Variants in SPEF2 observed in about 807,000 individuals in gnomAD.
SPEF2 encodes the protein sperm flagella and cilia-associated protein 2.
In SPEF2, 187 loss-of-function variants were observed where a neutral mutation model predicts 224.6. The ratio of observed to expected loss-of-function variants is 0.83; its 90% CI spans 0.74 to 0.94. SPEF2 has a LOEUF of 0.94. Among genes scored for constraint, SPEF2 ranks in the 40% least tolerant of loss-of-function variants. The probability of loss-of-function intolerance (pLI) is 0.00; values close to 1 mark genes in which losing one functional copy is unlikely to be tolerated. For synonymous variants in SPEF2, 715 were observed against 707.3 expected (o/e 1.01, Z -0.17); for missense variants, 2,170 against 2,135.6 (o/e 1.02, Z -0.32).
At chr5:35,799,391 A>G (rs774782972) in intron 33 of SPEF2, among the ~76,000 whole-genome samples, 1 of 152,228 alleles carries the variant, frequency 6.6e-6, no homozygotes, top group Non-Finnish European at 1.5e-5. Flanking sequence ...TCAGGCATTC[A>G]GAGTGAGAAA....
At chr5:35,662,188 CT>C (rs200899645) in intron 8 of SPEF2, among the ~76,000 whole-genome samples, 1 of 151,900 alleles carries the variant, frequency 6.6e-6, no homozygotes, top group African/African-American at 2.4e-5. Flanking sequence ...TGATGTTAAG[CT>C]TTTTTTTCAC....
chr5:35,709,578 G>A (rs1409617102), intron 19 of SPEF2: 1 of 986,338 alleles, frequency 1.0e-6, no homozygotes, highest in Admixed American at 6.1e-5. Context: ...ATATGTAATT[G>A]TAAATCTTCA....
chr5:35,787,964 A>C (rs998652186), intron 30 of SPEF2: 1 of 633,028 alleles, frequency 1.6e-6, no homozygotes, highest in African/African-American at 1.8e-5. Flanking sequence ...TCAATTTTTG[A>C]AAATTTGGCT....
chr5:35,663,037 T>A (rs1459210998), intron 8 of SPEF2, among the ~76,000 whole-genome samples: 2 of 152,202 alleles, frequency 1.3e-5, no homozygotes, highest in African/African-American at 4.8e-5. Flanking sequence ...ATTTATTTGC[T>A]ATTCCATGGC....
At chr5:35,779,495 T>C (rs1162148678) in intron 30 of SPEF2, 149 bp downstream of exon 30, 2 of 636,240 alleles carry the variant, frequency 3.1e-6, no homozygotes, top group Non-Finnish European at 5.3e-6. Flanking sequence ...TAAATATTTG[T>C]TTCATACAAC....
At chr5:35,734,700 CTTTTTTTTCTTT>C (rs1474376666) in intron 21 of SPEF2, among the ~76,000 whole-genome samples, 15 of 29,378 alleles carry the variant, frequency 5.1e-4, no homozygotes, top group African/African-American at 9.5e-4. Context: ...GAATTGCTTT[CTTTTTTTTCTTT>C]TTTTTTTTTT....
In SPEF2 at chr5:35,814,414, G is replaced by A. The variant is rs1227631185; in HGVS notation, c.5380-50G>A. On this transcript the variant is annotated intron_variant, in intron 36 of 36. Transcript: ENST00000356031. ...ATTAGTATTTGTATAGTATAGTATT[G>A]ATCATCCTTTATTAGTATTTGTAAC... 3 of 1,085,052 alleles carry A rather than the reference G, an allele frequency of 2.8e-6. No individual in the cohort carries two copies. In the East Asian group the frequency reaches 7.2e-5, roughly 26 times the overall value. 67.2% of individuals were successfully genotyped at this position (1,085,052 alleles called of 1,614,324 possible).
At chr5:35,658,174 G>C (rs975296214) in intron 7 of SPEF2, among the ~76,000 whole-genome samples, 1 of 152,136 alleles carries the variant, frequency 6.6e-6, no homozygotes, top group Non-Finnish European at 1.5e-5. Context: ...AAATAGGCCC[G>C]AGAAACTGAG....
chr5:35,660,851 A>G (rs1395063156), intron 8 of SPEF2, among the ~76,000 whole-genome samples: 3 of 152,168 alleles, frequency 2.0e-5, no homozygotes, highest in African/African-American at 7.2e-5. Flanking sequence ...CTGGGGTTGA[A>G]CTAACTTCAG....
intron 20 of SPEF2, among the ~76,000 whole-genome samples, chr5:35,725,388 CAACAGAAAGGTAAA>C (rs1561265898): frequency 6.6e-6 from 1 of 152,072 alleles, no homozygotes; most frequent in Non-Finnish European, 1.5e-5. Context: ...ATATATTTTG[CAACAGAAAGGTAAA>C]AATAATGCCT....
chr5:35,740,680 A>G (rs1200392886), intron 23 of SPEF2, among the ~76,000 whole-genome samples: 1 of 152,176 alleles, frequency 6.6e-6, no homozygotes. Context: ...CCTCTATTGA[A>G]TAGATCTCTT....
At chr5:35,700,435 T>C in intron 15 of SPEF2, 61 bp from the exon 16 acceptor site, 1 of 1,428,558 alleles carries the variant, frequency 7.0e-7, no homozygotes, top group East Asian at 2.3e-5. Flanking sequence ...AGATTCATCA[T>C]AGTATTTCCA....
chr5:35,774,436 A>G (rs1753315639), intron 28 of SPEF2, among the ~76,000 whole-genome samples: 1 of 152,184 alleles, frequency 6.6e-6, no homozygotes, highest in African/African-American at 2.4e-5. Context: ...TAGGTACCTA[A>G]TTAGGAAAAT....
intron 28 of SPEF2, 64 bp downstream of exon 28, chr5:35,774,085 C>T (rs916933306): frequency 6.4e-7 from 1 of 1,567,542 alleles, no homozygotes; most frequent in Non-Finnish European, 8.6e-7. Flanking sequence ...CCAAACAGCC[C>T]ACAACTGGCT....
Position 35,793,139 on chromosome 5 carries a change from T to A in SPEF2, c.4555-20T>A. ...TAGATTCATGTAGATATTCCAAAGATATTTCCTGTTTTCTTCTAGTTACAG... is the reference window on the plus strand; with the variant it reads ...TAGATTCATGTAGATATTCCAAAGAAATTTCCTGTTTTCTTCTAGTTACAG... On this transcript the variant is annotated intron_variant, in intron 31 of 36. Coordinates refer to ENST00000356031, the MANE Select transcript of SPEF2 (RefSeq NM_024867.4). The A allele has an allele frequency of 6.2e-7, 1 of 1,607,348 alleles. No individual in the cohort carries two copies. The highest frequency in any genetic ancestry group is 8.5e-7 in the Non-Finnish European group (1 of 1,175,692).
intron 2 of SPEF2, among the ~76,000 whole-genome samples, chr5:35,633,510 A>G (rs1457905250): frequency 6.6e-6 from 1 of 151,918 alleles, no homozygotes; most frequent in Non-Finnish European, 1.5e-5. Context: ...ACTTTCAATA[A>G]ATTTGTGTCT....
chr5:35,780,123 T>G (rs929614966), intron 30 of SPEF2, among the ~76,000 whole-genome samples: 2 of 152,244 alleles, frequency 1.3e-5, no homozygotes, highest in African/African-American at 4.8e-5. Flanking sequence ...TCCAAAGTTC[T>G]TGCCCCTTCT....
intron 36 of SPEF2, among the ~76,000 whole-genome samples, chr5:35,810,974 C>A (rs999404692): frequency 6.6e-6 from 1 of 152,000 alleles, no homozygotes; most frequent in Non-Finnish European, 1.5e-5. Flanking sequence ...CCAGGGGACT[C>A]ATTTGTATGA....
At chr5:35,696,100 C>T (rs1755274083) in intron 14 of SPEF2, among the ~76,000 whole-genome samples, 1 of 152,096 alleles carries the variant, frequency 6.6e-6, no homozygotes, top group African/African-American at 2.4e-5. Context: ...ACTTTTATTT[C>T]GCTCATACCC....
Sources: allele counts gnomAD v4.1 joint callset (sites outside exome capture counted in the v4.1 genomes callset), GRCh38; gene constraint gnomAD v4.1.1; transcripts MANE v1.5; gene names NCBI Gene and HGNC (gene_info 2026-07-23, HGNC 2026-07-21).